Variants in SYNPR observed in about 807,000 individuals in gnomAD.
The protein encoded by SYNPR is synaptoporin.
A neutral mutation model predicts 32.9 loss-of-function variants in SYNPR; 23 were observed. The observed-to-expected ratio is 0.70, with a 90% CI of 0.50 to 0.99. SYNPR has a LOEUF of 0.99. Among genes scored for constraint, SYNPR ranks in the 50% least tolerant of loss-of-function variants. The pLI is 0.00. For missense variants in SYNPR, 318 were observed against 349.3 expected (o/e 0.91, Z 0.71); for synonymous variants, 146 against 135.9 (o/e 1.07, Z -0.52).
At chr3:63,433,058 C>T (rs1228229226) in intron 2 of SYNPR, among the ~76,000 whole-genome samples, 1 of 152,170 alleles carries the variant, frequency 6.6e-6, no homozygotes, top group Non-Finnish European at 1.5e-5. Flanking sequence ...AACCACATTG[C>T]TATGTGGCTT....
intron 2 of SYNPR, among the ~76,000 whole-genome samples, chr3:63,380,300 A>G (rs754871835): frequency 5.5e-4 from 83 of 152,284 alleles, no homozygotes; most frequent in Non-Finnish European, 9.6e-4. Flanking sequence ...TTACAGTCCC[A>G]CCAACAGTGT....
At chr3:63,317,746 G>T (rs1235409220) in intron 2 of SYNPR, among the ~76,000 whole-genome samples, 2 of 152,002 alleles carry the variant, frequency 1.3e-5, no homozygotes, top group Non-Finnish European at 2.9e-5. Context: ...GTATTGAAAT[G>T]TGAGGTACCA....
chr3:63,376,137 A>G (rs1172847581), intron 2 of SYNPR, among the ~76,000 whole-genome samples: 2 of 152,122 alleles, frequency 1.3e-5, no homozygotes, highest in African/African-American at 4.8e-5. Flanking sequence ...TGTGTTCACT[A>G]TTCTCATCCT....
At chr3:63,232,992 A>G (rs2086177297) in intron 1 of SYNPR, among the ~76,000 whole-genome samples, 1 of 152,198 alleles carries the variant, frequency 6.6e-6, no homozygotes, top group African/African-American at 2.4e-5. Context: ...AGTGGTGACT[A>G]GAACTTACTT....
At chr3:63,351,397 C>G (rs375065503) in intron 2 of SYNPR, 37 of 152,226 alleles carry the variant, frequency 2.4e-4, no homozygotes, top group African/African-American at 8.4e-4. Flanking sequence ...TGTGAGTGCA[C>G]CCTAGTAGGG....
intron 3 of SYNPR, among the ~76,000 whole-genome samples, chr3:63,546,621 C>T (rs528449897): frequency 1.3e-5 from 2 of 151,634 alleles, no homozygotes; most frequent in South Asian, 2.1e-4. Flanking sequence ...TCCCTGTGCT[C>T]GATATTTATT....
intron 2 of SYNPR, among the ~76,000 whole-genome samples, chr3:63,389,736 G>A (rs28401409): frequency 0.071 from 10,816 of 152,250 alleles, 806 homozygotes; most frequent in African/African-American, 0.19. Flanking sequence ...AGAACACCTG[G>A]CATGTACTAT....
chr3:63,545,757 T>G (rs184001997), intron 3 of SYNPR, among the ~76,000 whole-genome samples: 252 of 152,238 alleles, frequency 1.7e-3, no homozygotes, highest in Non-Finnish European at 2.3e-3. Flanking sequence ...TACCTTTTCC[T>G]CCTGTAAACA....
At chr3:63,350,243 T>C (rs62251364) in intron 2 of SYNPR, among the ~76,000 whole-genome samples, 9,639 of 105,128 alleles carry the variant, frequency 0.092, 649 homozygotes, top group African/African-American at 0.25. Flanking sequence ...CACACACACA[T>C]ACAAACACAA....
the SYNPR span, among the ~76,000 whole-genome samples, chr3:63,217,630 C>A: frequency 6.7e-6 from 1 of 150,058 alleles, no homozygotes; most frequent in Non-Finnish European, 1.5e-5. Flanking sequence ...GTGAGATGAA[C>A]CTGGTACCTC....
intron 2 of SYNPR, among the ~76,000 whole-genome samples, chr3:63,283,264 C>G (rs547503278): frequency 6.6e-6 from 1 of 152,230 alleles, no homozygotes; most frequent in African/African-American, 2.4e-5. Flanking sequence ...TTTACGTGTT[C>G]TTTCCTTAGG....
chr3:63,202,052 A>G, the SYNPR span, among the ~76,000 whole-genome samples: 1 of 152,058 alleles, frequency 6.6e-6, no homozygotes, highest in African/African-American at 2.4e-5. Context: ...TTTTTTAAAA[A>G]CCCCAGAATA....
chr3:63,475,501 A>G (rs1355259810), intron 2 of SYNPR, among the ~76,000 whole-genome samples: 2 of 152,132 alleles, frequency 1.3e-5, no homozygotes, highest in African/African-American at 2.4e-5. Context: ...TACACCTTCA[A>G]TGTCTGGTAA....
At chr3:63,577,689 G>A (rs141218394) in intron 4 of SYNPR, among the ~76,000 whole-genome samples, 39 of 152,116 alleles carry the variant, frequency 2.6e-4, no homozygotes, top group African/African-American at 9.2e-4. Flanking sequence ...TAAAGTTGGA[G>A]GACTTAGTAA....
chr3:63,352,341 A>G (rs986440801), intron 2 of SYNPR, among the ~76,000 whole-genome samples: 10 of 152,166 alleles, frequency 6.6e-5, no homozygotes, highest in African/African-American at 2.4e-4. Flanking sequence ...AGCTTTTCAA[A>G]CCGGCAGATT....
rs371291631 is a variant in SYNPR, at chr3:63,541,636, A to C, written c.210-14907A>C. On this transcript the variant is annotated intron_variant, in intron 3 of 5. Transcript: ENST00000478300. ...GCTAATATAATCCTCTTTTTATAAA[A>C]TTATTTCCCTTCCCACTCACTCACT... Among the ~76,000 whole-genome samples, 54 of 152,184 alleles carry C rather than the reference A, an allele frequency of 3.5e-4. 1 individual carries two copies. The South Asian group carries it at 5.8e-3, about 16-fold the overall frequency.
intron 2 of SYNPR, among the ~76,000 whole-genome samples, chr3:63,323,643 C>G (rs2106971631): frequency 6.6e-6 from 1 of 151,884 alleles, no homozygotes; most frequent in South Asian, 2.1e-4. Flanking sequence ...ACTGTAGGAC[C>G]TGGAGAATTA....
Position 63,608,939 on chromosome 3 carries a change from T to C in SYNPR, c.409-186T>C, listed in dbSNP as rs554765339. 2.8e-3 allele frequency among the ~76,000 whole-genome samples: 431 copies of C among 152,246 alleles called. 3 individuals are homozygous for C. Among genetic ancestry groups the C allele is most frequent in the African/African-American group, 0.01 (417 of 41,564 alleles). ...AATATTACTATTATTATTTATTTTA[T>C]AGAAAGATAAATATAATATCATAAG... On this transcript the variant is annotated intron_variant, in intron 4 of 5. Transcript: ENST00000478300.
rs540672559 is a variant in SYNPR at position 63,317,026 on chromosome 3, T to A, written c.84+38284T>A. On this transcript the variant is annotated intron_variant, in intron 2 of 5. Transcript: ENST00000478300. Reference sequence around the variant, plus strand: ...TCAGGAGCAGGTTATTTAATTTTCATGTATTTTCATGGTTCTGAAGGTTCC... The same window carrying A: ...TCAGGAGCAGGTTATTTAATTTTCAAGTATTTTCATGGTTCTGAAGGTTCC... Among the ~76,000 whole-genome samples the A allele has an allele frequency of 3.3e-3, 496 of 152,168 alleles. 2 individuals are homozygous for A. Among genetic ancestry groups the A allele is most frequent in the African/African-American group, 0.011 (465 of 41,552 alleles).
Sources: gnomAD v4.1 joint callset for allele counts (sites outside exome capture counted in the v4.1 genomes callset) on GRCh38, gnomAD v4.1.1 for gene constraint, MANE v1.5 for transcripts, NCBI Gene and HGNC (gene_info 2026-07-23, HGNC 2026-07-21) for gene names.